Variants in SEMA3D observed in about 807,000 individuals in gnomAD.
The protein encoded by SEMA3D is semaphorin 3D.
A neutral mutation model predicts 100.1 loss-of-function variants in SEMA3D; 84 were observed. The observed-to-expected ratio is 0.84, with a 90% CI of 0.70 to 1.01. SEMA3D has a LOEUF of 1.01. SEMA3D is among the 50% of genes least tolerant of loss of function. SEMA3D has a pLI of 0.00. For missense variants in SEMA3D, 875 were observed against 934.1 expected (o/e 0.94, Z 0.82); for synonymous variants, 312 against 320.7 (o/e 0.97, Z 0.29).
intron 1 of SEMA3D, among the ~76,000 whole-genome samples, chr7:85,183,223 C>G (rs547713954): frequency 1.3e-5 from 2 of 152,108 alleles, no homozygotes; most frequent in African/African-American, 4.8e-5. Context: ...TGCCAACCCC[C>G]GAAGTTATCT....
intron 6 of SEMA3D, 68 bp downstream of exon 6, chr7:85,072,887 CTGTTTTA>C (rs1791814352): frequency 2.9e-5 from 36 of 1,232,344 alleles, no homozygotes; most frequent in Non-Finnish European, 4.0e-5. Flanking sequence ...TCAAATCTGC[CTGTTTTA>C]TGTCATAGGA....
At chr7:85,029,766 T>C in intron 12 of SEMA3D, 1 of 237,756 alleles carries the variant, frequency 4.2e-6, no homozygotes, top group African/African-American at 2.3e-5. Context: ...TTGTATCAAA[T>C]TCTATGGCAG....
chr7:85,172,396 T>C (rs1791109145), intron 1 of SEMA3D, among the ~76,000 whole-genome samples: 1 of 151,952 alleles, frequency 6.6e-6, no homozygotes, highest in Non-Finnish European at 1.5e-5. Flanking sequence ...ATCAGAACAT[T>C]ATTCAGTTTC....
At chr7:85,231,972 A>G in the SEMA3D span, among the ~76,000 whole-genome samples, 2 of 152,176 alleles carry the variant, frequency 1.3e-5, no homozygotes, top group East Asian at 3.9e-4. Context: ...TAGAAAATAA[A>G]GTTTATGCAA....
intron 13 of SEMA3D, 35 bp downstream of exon 13, chr7:85,022,356 C>A: frequency 6.9e-7 from 1 of 1,456,078 alleles, no homozygotes; most frequent in South Asian, 1.2e-5. Context: ...ATGAAAAATT[C>A]CTTTTGAAAA....
chr7:85,123,821 T>G (rs1342013324), intron 2 of SEMA3D, among the ~76,000 whole-genome samples: 1 of 152,074 alleles, frequency 6.6e-6, no homozygotes, highest in Non-Finnish European at 1.5e-5. Flanking sequence ...ATAAGTTGGT[T>G]TAGATTCTCT....
At chr7:85,045,849 C>T (rs955806987) in intron 9 of SEMA3D, among the ~76,000 whole-genome samples, 11 of 151,874 alleles carry the variant, frequency 7.2e-5, no homozygotes, top group South Asian at 2.1e-4. Context: ...TTTAAAGTAA[C>T]GTATCTAATC....
chr7:85,192,898 T>C, the SEMA3D span, among the ~76,000 whole-genome samples: 1 of 152,122 alleles, frequency 6.6e-6, no homozygotes, highest in Non-Finnish European at 1.5e-5. Context: ...AAAGTCTACA[T>C]TAGGAGTCTA....
intron 4 of SEMA3D, among the ~76,000 whole-genome samples, chr7:85,090,119 G>A (rs1237114205): frequency 2.0e-5 from 3 of 152,112 alleles, no homozygotes; most frequent in Admixed American, 2.0e-4. Context: ...CTGATGTCTG[G>A]TGTCAAGGAA....
chr7:85,135,944 T>C (rs1789853516), intron 2 of SEMA3D, among the ~76,000 whole-genome samples: 1 of 152,098 alleles, frequency 6.6e-6, no homozygotes, highest in Non-Finnish European at 1.5e-5. Context: ...AACTATCCAT[T>C]AAGCATTTAT....
intron 1 of SEMA3D, among the ~76,000 whole-genome samples, chr7:85,168,877 G>C (rs866777806): frequency 7.7e-6 from 1 of 129,266 alleles, no homozygotes; most frequent in South Asian, 2.5e-4. Context: ...AAGAAAGAAA[G>C]AAAAGAAAGA....
chr7:85,163,018 A>G, intron 1 of SEMA3D: 1 of 931,960 alleles, frequency 1.1e-6, no homozygotes, highest in Non-Finnish European at 1.3e-6. Context: ...CGAGAAGGAA[A>G]GACAAGGATG....
At chr7:85,120,690 A>C (rs983231824) in intron 3 of SEMA3D, among the ~76,000 whole-genome samples, 1 of 150,140 alleles carries the variant, frequency 6.7e-6, no homozygotes, top group Non-Finnish European at 1.5e-5. Context: ...AAAAGGTTTT[A>C]ATTATTGATT....
intron 12 of SEMA3D, among the ~76,000 whole-genome samples, chr7:85,033,513 C>T (rs1489601818): frequency 6.6e-6 from 1 of 152,078 alleles, no homozygotes. Context: ...AACCAGGATG[C>T]ATCAGCATGT....
intron 9 of SEMA3D, among the ~76,000 whole-genome samples, chr7:85,049,917 G>C (rs149152145): frequency 6.6e-6 from 1 of 151,896 alleles, no homozygotes; most frequent in Non-Finnish European, 1.5e-5. Flanking sequence ...CTGGAATCTG[G>C]AGTAGACTTG....
chr7:85,174,774 G>A (rs1259244392), intron 1 of SEMA3D, among the ~76,000 whole-genome samples: 1 of 152,074 alleles, frequency 6.6e-6, no homozygotes, highest in African/African-American at 2.4e-5. Context: ...GTTGACGGCT[G>A]GGAGAGTTGG....
chr7:85,249,927 G>A, the SEMA3D span, among the ~76,000 whole-genome samples: 1 of 152,146 alleles, frequency 6.6e-6, no homozygotes, highest in Non-Finnish European at 1.5e-5. Context: ...CGCAGAAGAC[G>A]GGTGATTTCT....
intron 4 of SEMA3D, among the ~76,000 whole-genome samples, chr7:85,095,097 T>C (rs1056765177): frequency 6.6e-6 from 1 of 152,048 alleles, no homozygotes; most frequent in African/African-American, 2.4e-5. Context: ...TTTCTTCCTC[T>C]GCAATCATTT....
At chr7:85,186,161 G>T (rs1249333321) in intron 1 of SEMA3D, among the ~76,000 whole-genome samples, 1 of 152,044 alleles carries the variant, frequency 6.6e-6, no homozygotes, top group Non-Finnish European at 1.5e-5. Context: ...CCTTCTCCCA[G>T]ACCAACAAGG....
Sources: allele counts gnomAD v4.1 joint callset (sites outside exome capture counted in the v4.1 genomes callset), GRCh38; gene constraint gnomAD v4.1.1; transcripts MANE v1.5; gene names NCBI Gene and HGNC (gene_info 2026-07-23, HGNC 2026-07-21).